The following BCL2L1 variants were observed in gnomAD, a reference collection of about 807,000 sequenced individuals.
The protein encoded by BCL2L1 is BCL2 like 1.
BCL2L1 carries 1 observed loss-of-function variant against 18.7 expected under a neutral mutation model. The observed-to-expected ratio is 0.05, with a 90% CI of 0.02 to 0.25. The LOEUF is 0.25. BCL2L1 is among the 10% of genes least tolerant of loss of function. The pLI is 1.00. For missense variants in BCL2L1, 207 were observed against 304.9 expected (o/e 0.68, Z 2.39); for synonymous variants, 103 against 122.7 (o/e 0.84, Z 1.06).
chr20:31,689,891 C>T (rs1029146069), intron 2 of BCL2L1, among the ~76,000 whole-genome samples: 3 of 152,180 alleles, frequency 2.0e-5, no homozygotes, highest in African/African-American at 7.2e-5. Context: ...GTGGCACATG[C>T]CTGTAATCCC....
chr20:31,714,923 C>T (rs1045340678), intron 2 of BCL2L1, among the ~76,000 whole-genome samples: 1 of 152,182 alleles, frequency 6.6e-6, no homozygotes, highest in Non-Finnish European at 1.5e-5. Flanking sequence ...AGCCACTATT[C>T]TTTTTCACCT....
At position 31,678,875 on chromosome 20, in the gene BCL2L1, G is replaced by GGA. The variant is rs572893592; in HGVS notation, c.565-12791_565-12790dup. Reference sequence around the variant, plus strand: ...AACAGCTCTGGAGGATTTGGGGAAGGGAGCAAATCCCTGCAACACCCTTCT... The same window carrying GGA: ...AACAGCTCTGGAGGATTTGGGGAAGGGAGAGCAAATCCCTGCAACACCCTTCT... On this transcript the variant is annotated intron_variant, in intron 2 of 2. Coordinates refer to ENST00000307677, the MANE Select transcript of BCL2L1 (RefSeq NM_138578.3). 1.6e-3 allele frequency among the ~76,000 whole-genome samples: 242 copies of GGA among 152,288 alleles called. 2 individuals are homozygous for GGA. The highest frequency in any genetic ancestry group is 5.7e-3 in the African/African-American group (235 of 41,552).
intron 2 of BCL2L1, among the ~76,000 whole-genome samples, chr20:31,692,172 C>G (rs1450079475): frequency 6.6e-6 from 1 of 152,238 alleles, no homozygotes; most frequent in Non-Finnish European, 1.5e-5. Flanking sequence ...TGAGGTTTAA[C>G]AAACCTTCCA....
intron 2 of BCL2L1, among the ~76,000 whole-genome samples, chr20:31,710,997 A>T (rs987852259): frequency 3.3e-5 from 5 of 152,208 alleles, no homozygotes; most frequent in African/African-American, 4.8e-5. Context: ...GACACATCTG[A>T]GTATAAGACC....
chr20:31,684,609 A>C (rs1362582245), intron 2 of BCL2L1, among the ~76,000 whole-genome samples: 1 of 151,086 alleles, frequency 6.6e-6, no homozygotes, highest in African/African-American at 2.4e-5. Flanking sequence ...ACCAGACATC[A>C]GACATTAAGG....
intron 2 of BCL2L1, chr20:31,713,301 T>C (rs1436661209): frequency 1.0e-6 from 1 of 985,068 alleles, no homozygotes; most frequent in Non-Finnish European, 1.2e-6. Flanking sequence ...TGATCACAGC[T>C]GGAGGCAGAA....
At chr20:31,668,387 T>C (rs1393465931) in intron 2 of BCL2L1, among the ~76,000 whole-genome samples, 1 of 151,836 alleles carries the variant, frequency 6.6e-6, no homozygotes, top group East Asian at 1.9e-4. Context: ...TGGCACAAAC[T>C]GGGCTCACAG....
At chr20:31,721,557 A>G (rs2061631211) in intron 2 of BCL2L1, 98 bp downstream of exon 2, 1 of 1,410,986 alleles carries the variant, frequency 7.1e-7, no homozygotes, top group Non-Finnish European at 9.5e-7. Context: ...GTCTCCAACA[A>G]TCACCCAACA....
intron 2 of BCL2L1, among the ~76,000 whole-genome samples, chr20:31,707,972 G>A (rs1370502955): frequency 2.0e-5 from 3 of 152,138 alleles, no homozygotes; most frequent in East Asian, 3.9e-4. Flanking sequence ...TTCTCCCAAG[G>A]AGGCAAGGCA....
intron 2 of BCL2L1, among the ~76,000 whole-genome samples, chr20:31,705,359 GTAT>G (rs1420497452): frequency 6.6e-6 from 1 of 152,024 alleles, no homozygotes; most frequent in African/African-American, 2.4e-5. Flanking sequence ...ACCCTATGAA[GTAT>G]TATTATTATC....
intron 2 of BCL2L1, among the ~76,000 whole-genome samples, chr20:31,673,363 C>T (rs1181103605): frequency 2.0e-5 from 3 of 151,854 alleles, no homozygotes; most frequent in Non-Finnish European, 4.4e-5. Context: ...CATGAGCCAC[C>T]GCACCCAGCC....
intron 2 of BCL2L1, among the ~76,000 whole-genome samples, chr20:31,703,021 C>G (rs1354094364): frequency 1.3e-5 from 2 of 150,958 alleles, no homozygotes; most frequent in African/African-American, 4.9e-5. Context: ...AACAAAAATG[C>G]AATAAGATCT....
intron 2 of BCL2L1, among the ~76,000 whole-genome samples, chr20:31,681,388 T>C (rs113984804): frequency 0.013 from 1,996 of 152,288 alleles, 40 homozygotes; most frequent in African/African-American, 0.046. Flanking sequence ...GCGGCTCATG[T>C]CTACAATCCC....
intron 2 of BCL2L1, chr20:31,713,279 A>G: frequency 1.0e-6 from 1 of 985,330 alleles, no homozygotes; most frequent in South Asian, 4.7e-5. Flanking sequence ...CATTTTCTAA[A>G]TCTTGAAGGG....
chr20:31,718,936 A>T (rs550648706), intron 2 of BCL2L1, among the ~76,000 whole-genome samples: 66 of 152,314 alleles, frequency 4.3e-4, no homozygotes, highest in African/African-American at 1.5e-3. Context: ...TACTCCCTGG[A>T]CAACTTGATA....
At chr20:31,715,034 G>C (rs887895703) in intron 2 of BCL2L1, among the ~76,000 whole-genome samples, 1 of 152,132 alleles carries the variant, frequency 6.6e-6, no homozygotes, top group African/African-American at 2.4e-5. Flanking sequence ...CAGCACTTTA[G>C]GAGGCTGAGG....
intron 2 of BCL2L1, among the ~76,000 whole-genome samples, chr20:31,674,147 A>G (rs900748549): frequency 6.6e-6 from 1 of 152,120 alleles, no homozygotes. Context: ...CTGATGTCCA[A>G]TCTTGCCATC....
chr20:31,666,113 G>C, intron 2 of BCL2L1, 27 bp from the exon 3 acceptor site: 1 of 1,613,252 alleles, frequency 6.2e-7, no homozygotes, highest in Non-Finnish European at 8.5e-7. Flanking sequence ...GGAAGGTGCA[G>C]TTTTAGTCCT....
intron 2 of BCL2L1, among the ~76,000 whole-genome samples, chr20:31,686,865 T>A (rs974878358): frequency 2.8e-4 from 42 of 152,192 alleles, no homozygotes; most frequent in Non-Finnish European, 8.8e-5. Context: ...GAGACCATAG[T>A]TAAGTGAGGG....
Sources: gnomAD v4.1 joint callset for allele counts (sites outside exome capture counted in the v4.1 genomes callset) on GRCh38, gnomAD v4.1.1 for gene constraint, MANE v1.5 for transcripts, NCBI Gene and HGNC (gene_info 2026-07-23, HGNC 2026-07-21) for gene names.